Variants in ZNF385D observed in about 807,000 individuals in gnomAD.
The protein encoded by ZNF385D is zinc finger protein 659.
In ZNF385D, 15 loss-of-function variants were observed where a neutral mutation model predicts 35.8. The ratio of observed to expected loss-of-function variants is 0.42; its 90% confidence interval spans 0.28 to 0.64. The LOEUF (loss-of-function observed/expected upper bound fraction) is 0.64, where lower values mean the gene tolerates loss of function less well. ZNF385D is among the 30% of genes least tolerant of loss of function. The pLI, the probability that ZNF385D is intolerant of heterozygous loss-of-function variation, is 0.23. For missense variants in ZNF385D, 474 were observed against 494.6 expected (o/e 0.96, Z 0.39); for synonymous variants, 212 against 186.8 (o/e 1.13, Z -1.10).
intron 3 of ZNF385D, among the ~76,000 whole-genome samples, chr3:21,561,701 C>A (rs1303328198): frequency 1.3e-5 from 2 of 152,122 alleles, no homozygotes; most frequent in African/African-American, 2.4e-5. Flanking sequence ...TGGGGAATGT[C>A]CAGATGGTGG....
At chr3:21,876,226 A>AT (rs1266190440) in intron 3 of ZNF385D, among the ~76,000 whole-genome samples, 2 of 151,806 alleles carry the variant, frequency 1.3e-5, no homozygotes, top group Non-Finnish European at 2.9e-5. Context: ...TTCAAAACAC[A>AT]TATCTTGTAA....
chr3:21,587,518 G>A (rs2063846582), intron 2 of ZNF385D, among the ~76,000 whole-genome samples: 1 of 152,142 alleles, frequency 6.6e-6, no homozygotes, highest in African/African-American at 2.4e-5. Context: ...AGGAAGAATG[G>A]CAAATTTTAG....
chr3:21,636,960 T>C (rs2065469014), intron 2 of ZNF385D, among the ~76,000 whole-genome samples: 1 of 151,930 alleles, frequency 6.6e-6, no homozygotes, highest in Non-Finnish European at 1.5e-5. Context: ...TTTTTTGTTG[T>C]TGTTGTTAAT....
intron 3 of ZNF385D, among the ~76,000 whole-genome samples, chr3:21,759,707 C>A (rs2070513946): frequency 6.6e-6 from 1 of 152,004 alleles, no homozygotes; most frequent in African/African-American, 2.4e-5. Context: ...CCCTCCCAGA[C>A]CCAGAGACCC....
At chr3:21,614,586 AT>A (rs2064787088) in intron 2 of ZNF385D, among the ~76,000 whole-genome samples, 1 of 151,772 alleles carries the variant, frequency 6.6e-6, no homozygotes. Flanking sequence ...TGAAGTACAG[AT>A]TTTTTGTTTG....
At chr3:21,453,641 G>T (rs1702603947) in intron 4 of ZNF385D, among the ~76,000 whole-genome samples, 1 of 151,708 alleles carries the variant, frequency 6.6e-6, no homozygotes, top group African/African-American at 2.4e-5. Flanking sequence ...AAACCACTGG[G>T]AAATACCATT....
chr3:21,911,753 T>C (rs1475868891), intron 3 of ZNF385D, among the ~76,000 whole-genome samples: 4 of 151,938 alleles, frequency 2.6e-5, no homozygotes, highest in African/African-American at 9.7e-5. Flanking sequence ...GAGAGAGATA[T>C]TAGGGATTTT....
At chr3:22,022,494 G>C (rs1269695326) in intron 3 of ZNF385D, among the ~76,000 whole-genome samples, 1 of 151,970 alleles carries the variant, frequency 6.6e-6, no homozygotes, top group African/African-American at 2.4e-5. Flanking sequence ...ACCACTCTAT[G>C]ATCCTAGTTC....
At position 21,801,584 on chromosome 3, in the gene ZNF385D, C is replaced by A. The variant is rs75782297; in HGVS notation, c.326-136556G>T. On this transcript the variant is annotated intron_variant, in intron 3 of 5. Coordinates refer to the ZNF385D transcript ENST00000494108. ...GGCACTGTTACCTTTTTCTCTCTGG[C>A]CAAAACGTTCACATTCTTAATCTAC... Among the ~76,000 whole-genome samples, 161 of 152,182 alleles carry A rather than the reference C, an allele frequency of 1.1e-3. 5 individuals are homozygous for A. The East Asian group carries it at 0.03, about 28-fold the overall frequency.
intron 1 of ZNF385D, among the ~76,000 whole-genome samples, chr3:21,739,654 A>G (rs73822033): frequency 0.014 from 2,179 of 152,322 alleles, 52 homozygotes; most frequent in African/African-American, 0.05. Flanking sequence ...ACTTCATTCC[A>G]GCTTGCCCAT....
At chr3:22,222,650 C>A (rs947085701) in intron 2 of ZNF385D, among the ~76,000 whole-genome samples, 2 of 152,122 alleles carry the variant, frequency 1.3e-5, no homozygotes, top group Admixed American at 6.6e-5. Context: ...TCAGTGTTTT[C>A]ATCTGTAATA....
At chr3:22,200,711 C>A (rs1470679242) in intron 2 of ZNF385D, among the ~76,000 whole-genome samples, 1 of 152,196 alleles carries the variant, frequency 6.6e-6, no homozygotes, top group South Asian at 2.1e-4. Flanking sequence ...CCCCTACAGT[C>A]TACAGGCCAT....
chr3:21,820,254 A>G (rs2073344961), intron 3 of ZNF385D, among the ~76,000 whole-genome samples: 1 of 151,990 alleles, frequency 6.6e-6, no homozygotes, highest in East Asian at 1.9e-4. Flanking sequence ...AATTAGTAAC[A>G]TACAGCTCAC....
intron 2 of ZNF385D, among the ~76,000 whole-genome samples, chr3:21,620,799 C>T (rs1219215428): frequency 6.6e-6 from 1 of 152,096 alleles, no homozygotes; most frequent in Non-Finnish European, 1.5e-5. Context: ...AGGCATTTTC[C>T]ACAACACTCT....
At chr3:22,166,501 T>A (rs1033990509) in intron 3 of ZNF385D, among the ~76,000 whole-genome samples, 1 of 152,216 alleles carries the variant, frequency 6.6e-6, no homozygotes, top group Non-Finnish European at 1.5e-5. Flanking sequence ...TTAATAGCTG[T>A]GTGACCTTCA....
intron 3 of ZNF385D, among the ~76,000 whole-genome samples, chr3:21,855,204 TCTAGTCCTTGCATA>T (rs1242205469): frequency 1.3e-5 from 2 of 152,166 alleles, no homozygotes; most frequent in South Asian, 4.1e-4. Flanking sequence ...TCGCTAGCAA[TCTAGTCCTTGCATA>T]CTGTCTCAAA....
chr3:21,997,924 A>AGG (rs149134253), intron 3 of ZNF385D, among the ~76,000 whole-genome samples: 2,345 of 151,096 alleles, frequency 0.016, 179 homozygotes, highest in Admixed American at 0.12. Flanking sequence ...AGAGAGAGAG[A>AGG]GAAATTAGGG....
chr3:21,816,947 C>A (rs2073174887), intron 3 of ZNF385D, among the ~76,000 whole-genome samples: 1 of 152,156 alleles, frequency 6.6e-6, no homozygotes, highest in Non-Finnish European at 1.5e-5. Flanking sequence ...TACAAGGCTA[C>A]AGTAACCAAA....
Position 22,256,434 on chromosome 3 carries a change from AAATTG to A in ZNF385D, c.107-87404_107-87400del, listed in dbSNP as rs373363695. Among the ~76,000 whole-genome samples the A allele has an allele frequency of 5.2e-3, 793 of 151,840 alleles. 6 individuals are homozygous for A. Among genetic ancestry groups the A allele is most frequent in the Middle Eastern group, 0.031 (9 of 294 alleles). ...TCATATTTAAAGATTAATCTTCATA[AAATTG>A]AATTGATCATTTTTTTTAGTTCCTG... On this transcript the variant is annotated intron_variant, in intron 2 of 5. Transcript: ENST00000494108.
Sources: gnomAD v4.1 joint callset for allele counts (sites outside exome capture counted in the v4.1 genomes callset) on GRCh38, gnomAD v4.1.1 for gene constraint, MANE v1.5 for transcripts, NCBI Gene and HGNC (gene_info 2026-07-23, HGNC 2026-07-21) for gene names.